Variants in THADA observed in about 807,000 individuals in gnomAD.
The protein encoded by THADA is tRNA (32-2'-O)-methyltransferase regulator THADA.
A neutral mutation model predicts 219.8 loss-of-function variants in THADA; 213 were observed. The observed-to-expected ratio is 0.97, with a 90% confidence interval of 0.87 to 1.09. THADA has a LOEUF of 1.09. Among genes scored for constraint, THADA ranks in the 50% least tolerant of loss-of-function variants. The probability of loss-of-function intolerance (pLI) is 0.00; values close to 1 mark genes in which losing one functional copy is unlikely to be tolerated. For synonymous variants in THADA, 1,018 were observed against 828.9 expected (o/e 1.23, Z -3.92); for missense variants, 2,956 against 2,311.3 (o/e 1.28, Z -5.72).
chr2:43,491,906 G>C (rs1324366668), intron 25 of THADA: 1 of 152,106 alleles, frequency 6.6e-6, no homozygotes, highest in East Asian at 1.9e-4. Context: ...ATAGGAACTT[G>C]GAATTCAACT....
intron 26 of THADA, among the ~76,000 whole-genome samples, chr2:43,447,967 T>C (rs927906785): frequency 2.6e-5 from 4 of 152,220 alleles, no homozygotes; most frequent in African/African-American, 9.6e-5. Context: ...CTCTATGTTA[T>C]CCGATTTTTG....
At chr2:43,391,327 T>C (rs1329359200) in intron 29 of THADA, among the ~76,000 whole-genome samples, 3 of 152,226 alleles carry the variant, frequency 2.0e-5, no homozygotes, top group African/African-American at 4.8e-5. Flanking sequence ...CTCTGAGTTC[T>C]GAGCACTTCA....
chr2:43,365,387 A>G (rs1484106601), intron 29 of THADA, among the ~76,000 whole-genome samples: 2 of 151,968 alleles, frequency 1.3e-5, no homozygotes, highest in African/African-American at 4.8e-5. Flanking sequence ...CGTGGCCAAT[A>G]GAGTGAAACC....
chr2:43,421,034 A>C (rs1457503640), intron 28 of THADA, among the ~76,000 whole-genome samples: 1 of 152,188 alleles, frequency 6.6e-6, no homozygotes, highest in Non-Finnish European at 1.5e-5. Flanking sequence ...TAAGGCCTAA[A>C]ACACCACCAT....
At chr2:43,449,369 G>A (rs917900252) in intron 26 of THADA, among the ~76,000 whole-genome samples, 1 of 152,092 alleles carries the variant, frequency 6.6e-6, no homozygotes, top group African/African-American at 2.4e-5. Context: ...GTTCTAGAAG[G>A]AGAAGAGAGA....
chr2:43,415,726 T>A (rs1411900491), intron 28 of THADA, among the ~76,000 whole-genome samples: 1 of 151,968 alleles, frequency 6.6e-6, no homozygotes, highest in African/African-American at 2.4e-5. Flanking sequence ...GAGGTTCATA[T>A]CTAGGGCCCT....
intron 29 of THADA, among the ~76,000 whole-genome samples, chr2:43,360,694 C>T (rs1558638109): frequency 6.6e-6 from 1 of 152,194 alleles, no homozygotes; most frequent in Non-Finnish European, 1.5e-5. Context: ...CAACCAGTCA[C>T]CCACCCATCT....
At chr2:43,501,275 G>A (rs185294136) in intron 24 of THADA, among the ~76,000 whole-genome samples, 4 of 104,274 alleles carry the variant, frequency 3.8e-5, no homozygotes, top group South Asian at 3.4e-4. Context: ...CATTGCACTC[G>A]AACCTGGGCA....
intron 28 of THADA, among the ~76,000 whole-genome samples, chr2:43,402,461 T>C (rs1240827257): frequency 6.6e-6 from 1 of 152,224 alleles, no homozygotes; most frequent in African/African-American, 2.4e-5. Flanking sequence ...ACCATTCTGC[T>C]GAGATCATGC....
rs1558887631 is a variant in THADA at position 43,514,634 on chromosome 2, ATT to A, written c.3375-5856_3375-5855del. On this transcript the variant is annotated intron_variant, in intron 22 of 37. Transcript: ENST00000405975. ...TTTTATATATTTTATATATATGTAT[ATT>A]TTATATATAATATATATATTGTATA... 3.6e-3 allele frequency among the ~76,000 whole-genome samples: 301 copies of A among 83,670 alleles called. 52 individuals carry two copies. Among genetic ancestry groups the A allele is most frequent in the African/African-American group, 0.012 (214 of 17,382 alleles). The allele number at this position is 83,670 out of a possible 152,430, so 54.9% of individuals were successfully genotyped here.
chr2:43,344,748 A>C (rs974021260), intron 29 of THADA, among the ~76,000 whole-genome samples: 2 of 152,032 alleles, frequency 1.3e-5, no homozygotes, highest in Non-Finnish European at 2.9e-5. Flanking sequence ...TGATGTTTGT[A>C]ACTATTTAGG....
intron 20 of THADA, among the ~76,000 whole-genome samples, chr2:43,546,770 A>G (rs1315573063): frequency 1.3e-5 from 2 of 152,042 alleles, no homozygotes; most frequent in African/African-American, 4.8e-5. Flanking sequence ...GTGTCTCTGC[A>G]CATGAGATGG....
intron 28 of THADA, among the ~76,000 whole-genome samples, chr2:43,405,357 T>G (rs1374969782): frequency 6.6e-6 from 1 of 152,200 alleles, no homozygotes; most frequent in Non-Finnish European, 1.5e-5. Context: ...TCCAGTGAGT[T>G]GGAAAAAGCA....
chr2:43,347,095 G>A (rs1027725054), intron 29 of THADA, among the ~76,000 whole-genome samples: 1 of 152,136 alleles, frequency 6.6e-6, no homozygotes, highest in African/African-American at 2.4e-5. Context: ...GTGGAGGCAG[G>A]AAGGCTAGAT....
rs1379006414 is a variant in THADA, at chr2:43,571,703, C to T, written c.2064+4G>A. On this transcript the variant is annotated splice_donor_region_variant and intron_variant, in intron 13 of 37. Coordinates refer to ENST00000405975, the MANE Select transcript of THADA (RefSeq NM_022065.5). ...TCCCTATGCCTTCTGATGGGAAATTCTACCTTTTTAAGAAGAGAACAGATC... is the reference window on the plus strand; with the variant it reads ...TCCCTATGCCTTCTGATGGGAAATTTTACCTTTTTAAGAAGAGAACAGATC... 6.2e-7 allele frequency: 1 copy of T among 1,604,540 alleles called. No homozygotes were observed. The highest frequency in any genetic ancestry group is 8.5e-7 in the Non-Finnish European group (1 of 1,175,502).
intron 22 of THADA, among the ~76,000 whole-genome samples, chr2:43,524,681 C>A (rs966153109): frequency 6.6e-6 from 1 of 152,194 alleles, no homozygotes; most frequent in Non-Finnish European, 1.5e-5. Context: ...ACATTCTGTT[C>A]AGCAGATTTG....
At chr2:43,359,573 G>C (rs1445146032) in intron 29 of THADA, among the ~76,000 whole-genome samples, 2 of 152,200 alleles carry the variant, frequency 1.3e-5, no homozygotes, top group Non-Finnish European at 2.9e-5. Flanking sequence ...CCAGCTTCTT[G>C]AGAGGCTGAG....
At chr2:43,318,817 C>A (rs1404171624) in intron 31 of THADA, among the ~76,000 whole-genome samples, 4 of 152,046 alleles carry the variant, frequency 2.6e-5, no homozygotes, top group Admixed American at 6.5e-5. Flanking sequence ...ATGGATGGTT[C>A]AAAAAAGCTA....
intron 31 of THADA, among the ~76,000 whole-genome samples, chr2:43,303,468 C>T (rs1057382083): frequency 1.3e-5 from 2 of 152,042 alleles, no homozygotes; most frequent in African/African-American, 2.4e-5. Flanking sequence ...TTATTTAGGG[C>T]AGTCTCTCTC....
Sources: allele counts gnomAD v4.1 joint callset (sites outside exome capture counted in the v4.1 genomes callset), GRCh38; gene constraint gnomAD v4.1.1; transcripts MANE v1.5; gene names NCBI Gene and HGNC (gene_info 2026-07-23, HGNC 2026-07-21).